The following ZNF805 variants were observed in gnomAD, a reference collection of about 807,000 sequenced individuals.
ZNF805 encodes CTC-444N24.8.
Under a neutral mutation model 13.6 loss-of-function variants are expected in ZNF805, and 7 were observed. The ratio of observed to expected loss-of-function variants is 0.51; its 90% CI spans 0.29 to 0.97. ZNF805 has a LOEUF of 0.97. Ranked by LOEUF, ZNF805 falls within the 50% of genes least tolerant of loss-of-function variation. The probability of loss-of-function intolerance (pLI) is 0.08; values close to 1 mark genes in which losing one functional copy is unlikely to be tolerated. For missense variants in ZNF805, 604 were observed against 771.0 expected, an observed-to-expected ratio of 0.78 and a Z score of 2.57; for synonymous variants, 293 against 279.8, an observed-to-expected ratio of 1.05 and a Z score of -0.47.
chr19:57,250,982 G>A (rs1484174555), intron 3 of ZNF805, among the ~76,000 whole-genome samples: 3 of 152,006 alleles, frequency 2.0e-5, no homozygotes, highest in African/African-American at 4.8e-5. Flanking sequence ...CCTTACCCTT[G>A]AAGAAAATTC....
At position 57,259,600 on chromosome 19, in the gene ZNF805, G is replaced by A. The variant is rs545744161; in HGVS notation, c.*4897G>A. Among the ~76,000 whole-genome samples the A allele has an allele frequency of 4.3e-4, 65 of 152,110 alleles. No individual in the cohort carries two copies. The highest frequency in any genetic ancestry group is 1.5e-3 in the African/African-American group (63 of 41,494). On this transcript the variant is annotated 3_prime_UTR_variant, in exon 4 of 4. Coordinates refer to ENST00000414468, the MANE Select transcript of ZNF805 (RefSeq NM_001023563.4). ...CTGCTCACTGCAAGCTCTGCCTCCC[G>A]GGTTCATGCCATTCTCCTGCCTCAG...
rs1475614125 is a variant in ZNF805, at chr19:57,261,947, AAC to A, written c.*7249_*7250del. ...TGAAGCTCCATCTGGGACTTAAAAC[AAC>A]ACACGTGAGATGTGTTCCAGGAAGT... is the stretch of plus-strand genomic sequence containing the variant. On this transcript the variant is annotated 3_prime_UTR_variant, in exon 4 of 4. Coordinates refer to ENST00000414468, the MANE Select transcript of ZNF805 (RefSeq NM_001023563.4). The A allele has an allele frequency of 6.0e-6, 1 of 166,764 alleles. No individual in the cohort carries two copies. The highest frequency in any genetic ancestry group is 1.5e-5 in the Non-Finnish European group (1 of 68,092). The allele number at this position is 166,764 out of a possible 1,614,324, so 10.3% of individuals were successfully genotyped here. A position where few individuals can be genotyped will look rare whatever the true frequency, so the allele number is the denominator to read the frequency against.
At chr19:57,250,227 A>G (rs888333770) in intron 3 of ZNF805, among the ~76,000 whole-genome samples, 4 of 151,802 alleles carry the variant, frequency 2.6e-5, no homozygotes, top group Non-Finnish European at 5.9e-5. Context: ...CATGAGACCT[A>G]TCCTTCTGCT....
rs1198549661 is a variant in ZNF805, at chr19:57,259,889, C to G, written c.*5186C>G. Among the ~76,000 whole-genome samples, 2 of 152,180 alleles carry G rather than the reference C, an allele frequency of 1.3e-5. No homozygotes were observed. Among genetic ancestry groups the G allele is most frequent in the Non-Finnish European group, 2.9e-5 (2 of 68,020 alleles). Reference sequence around the variant, plus strand: ...CTCAGAAAACAGAAAAAACTAAATTCCAGAGTCATGGTTTTCTGGTGGTTT... The same window carrying G: ...CTCAGAAAACAGAAAAAACTAAATTGCAGAGTCATGGTTTTCTGGTGGTTT... On this transcript the variant is annotated 3_prime_UTR_variant, in exon 4 of 4. Transcript: ENST00000414468.
chr19:57,250,947 C>G (rs1411854073), intron 3 of ZNF805, among the ~76,000 whole-genome samples: 1 of 151,856 alleles, frequency 6.6e-6, no homozygotes, highest in African/African-American at 2.4e-5. Context: ...CCTTTCTGTA[C>G]TCAACATAAA....
At position 57,254,408 on chromosome 19, in the gene ZNF805, C is replaced by CT. The variant is rs776234874; in HGVS notation, c.1590dup (p.Ile531TyrfsTer10). On this transcript the variant is annotated frameshift_variant, in exon 4 of 4. Transcript: ENST00000414468. LOFTEE classifies it low-confidence loss of function (END_TRUNC). Reference sequence around the variant, plus strand: ...TGGAGCACAAACCTCATTCGACACTCTATCATCCACACTGGAGAGAAGCCG... The same window carrying CT: ...TGGAGCACAAACCTCATTCGACACTCTTATCATCCACACTGGAGAGAAGCCG... The CT allele has an allele frequency of 3.1e-6, 5 of 1,612,366 alleles. No homozygotes were observed. The highest frequency in any genetic ancestry group is 3.4e-6 in the Non-Finnish European group (4 of 1,179,502).
chr19:57,247,890 C>A (rs191557701), intron 2 of ZNF805, among the ~76,000 whole-genome samples: 120 of 152,288 alleles, frequency 7.9e-4, no homozygotes, highest in African/African-American at 2.8e-3. Context: ...CTGGGTATAC[C>A]GTGAGGAAAT....
chr19:57,241,338 C>G (rs943318896), intron 1 of ZNF805, among the ~76,000 whole-genome samples: 4 of 152,030 alleles, frequency 2.6e-5, no homozygotes, highest in African/African-American at 9.7e-5. Flanking sequence ...ACTGACTGTT[C>G]TAATTTTTGC....
At position 57,253,164 on chromosome 19, in the gene ZNF805, A is replaced by C. The variant is rs776508845; in HGVS notation, c.345A>C (p.Gly115=). 1 of 1,553,138 alleles carries C rather than the reference A, an allele frequency of 6.4e-7. No individual in the cohort carries two copies. The highest frequency in any genetic ancestry group is 1.4e-5 in the African/African-American group (1 of 72,708). ...CTTTTTGGGGACAACTAACACAAGG[A>C]GCTTCAGGGGACTCCCAGTTGGGGC... ...GISFWGQLTQ[G]ASGDSQLGQP... is the part of the protein sequence containing the mutation. Residue 115 remains glycine, a synonymous_variant, in exon 4 of 4, where the codon GGA becomes GGC. Transcript: ENST00000414468. This position sits in a 1 kb window ranked among gnomAD's most constrained non-coding sequence, Gnocchi z 4.4.
intron 3 of ZNF805, among the ~76,000 whole-genome samples, chr19:57,249,203 G>A (rs2087637039): frequency 1.3e-5 from 2 of 152,056 alleles, no homozygotes; most frequent in Admixed American, 1.3e-4. Context: ...AGAGAATTAA[G>A]GGAATAAGGA....
Position 57,248,676 on chromosome 19 carries a change from G to A in ZNF805, c.229G>A (p.Asp77Asn). 6.3e-7 allele frequency: 1 copy of A among 1,598,500 alleles called. No homozygotes were observed. The highest frequency in any genetic ancestry group is 8.5e-7 in the Non-Finnish European group (1 of 1,171,888). The change falls in exon 3 of 4, where the codon GAC (aspartate) becomes AAC (asparagine). Residue 77 changes from aspartate to asparagine, a missense_variant. This residue lies in a region of ZNF805 where 327 missense variants were observed against 378.2 expected (regional missense o/e 0.86). Coordinates refer to ENST00000414468, the MANE Select transcript of ZNF805 (RefSeq NM_001023563.4). ...HGQEPWTRKE[D>N]LSQGTCPGDK... ...GCAGGAGCCATGGACCAGGAAGGAA[G>A]ACCTCTCCCAAGGCACCTGTCCAGG...
At position 57,261,114 on chromosome 19, in the gene ZNF805, T is replaced by A. The variant is rs1223482918; in HGVS notation, c.*6411T>A. ...TCCTTAACCACTTTATTGCTTCTCA[T>A]AAGGTGGGTCTTTGTTTCCTGGTCA... On this transcript the variant is annotated 3_prime_UTR_variant, in exon 4 of 4. Coordinates refer to ENST00000414468, the MANE Select transcript of ZNF805 (RefSeq NM_001023563.4). Among the ~76,000 whole-genome samples the A allele has an allele frequency of 6.6e-6, 1 of 152,224 alleles. No individual in the cohort carries two copies. Among genetic ancestry groups the A allele is most frequent in the Non-Finnish European group, 1.5e-5 (1 of 68,038 alleles).
rs2087693212 is a variant in ZNF805 at position 57,257,319 on chromosome 19, A to G, written c.*2616A>G. Among the ~76,000 whole-genome samples, 2 of 152,150 alleles carry G rather than the reference A, an allele frequency of 1.3e-5. No homozygotes were observed. Among genetic ancestry groups the G allele is most frequent in the Non-Finnish European group, 2.9e-5 (2 of 68,026 alleles). The stretch of plus-strand genomic sequence containing the variant: ...CTGTATCCTTGCTGATTTTCTGTCT[A>G]GTATTTCTATCAATTGCCAAGAGAA... On this transcript the variant is annotated 3_prime_UTR_variant, in exon 4 of 4. Coordinates refer to ENST00000414468, the MANE Select transcript of ZNF805 (RefSeq NM_001023563.4).
At chr19:57,241,054 G>C (rs2087576818) in intron 1 of ZNF805, 133 bp downstream of exon 1, 2 of 1,009,188 alleles carry the variant, frequency 2.0e-6, no homozygotes, top group South Asian at 1.6e-5. Context: ...GAGCAGGCTC[G>C]TCACTTAGTT....
At chr19:57,241,000 G>A (rs1393271998) in intron 1 of ZNF805, 79 bp downstream of exon 1, 19 of 1,445,114 alleles carry the variant, frequency 1.3e-5, no homozygotes, top group East Asian at 5.0e-5. Context: ...AGCCAAGACA[G>A]CCACAGGATT....
At chr19:57,249,308 G>C (rs1048678949) in intron 3 of ZNF805, among the ~76,000 whole-genome samples, 1 of 152,176 alleles carries the variant, frequency 6.6e-6, no homozygotes, top group African/African-American at 2.4e-5. Context: ...AATTGTGGCT[G>C]AGCTGCCTGT....
chr19:57,247,498 A>G (rs1353134890), intron 2 of ZNF805, among the ~76,000 whole-genome samples: 1 of 152,210 alleles, frequency 6.6e-6, no homozygotes, highest in Non-Finnish European at 1.5e-5. Context: ...CCTGTGCCTC[A>G]GTGTTCTCAT....
rs1266381213 is a variant in ZNF805, at chr19:57,254,407, T to G, written c.1588T>G (p.Ser530Ala). 1.1e-5 allele frequency: 18 copies of G among 1,613,760 alleles called. No individual in the cohort carries two copies. In the South Asian group the frequency reaches 1.9e-4, roughly 17 times the overall value. Residue 530 changes from serine (S) to alanine (A), a missense_variant, in exon 4 of 4, where the codon TCT (serine) becomes GCT (alanine). Around this residue, in one of 3 missense-constraint regions of ZNF805, gnomAD observed 228 missense variants for 352.8 expected, o/e 0.65. Transcript: ENST00000414468. ...CTGGAGCACAAACCTCATTCGACAC[T>G]CTATCATCCACACTGGAGAGAAGCC... The part of the protein sequence containing the change: ...FCWSTNLIRH[S>A]IIHTGEKPYE...
chr19:57,240,684 C>G lies in ZNF805; in HGVS notation c.-208C>G. On this transcript the variant is annotated 5_prime_UTR_variant, in exon 1 of 4. Transcript: ENST00000414468. ...GGGGCGGTGTTCCGTGGCCGCCTCCCTGGCGGCGCTGGGGAAATGAGCAGG... is the reference window on the plus strand; with the variant it reads ...GGGGCGGTGTTCCGTGGCCGCCTCCGTGGCGGCGCTGGGGAAATGAGCAGG... 3 of 525,740 alleles carry G rather than the reference C, an allele frequency of 5.7e-6. No homozygotes were observed. Among genetic ancestry groups the G allele is most frequent in the Non-Finnish European group, 1.0e-5 (3 of 296,388 alleles). 32.6% of individuals were successfully genotyped at this position (525,740 alleles called of 1,614,324 possible).
Sources: gnomAD v4.1 joint callset for allele counts (sites outside exome capture counted in the v4.1 genomes callset) on GRCh38, gnomAD v4.1.1 for gene constraint, gnomAD v4.1.1 regional missense constraint, Gnocchi (gnomAD v3.1) non-coding constraint, MANE v1.5 for transcripts, NCBI Gene and HGNC (gene_info 2026-07-23, HGNC 2026-07-21) for gene names.